Variants in NFASC observed in about 807,000 individuals in gnomAD.
NFASC encodes neurofascin homolog.
In NFASC, 43 loss-of-function variants were observed where a neutral mutation model predicts 147.5. The ratio of observed to expected loss-of-function variants is 0.29; its 90% CI spans 0.23 to 0.38. The LOEUF (loss-of-function observed/expected upper bound fraction) is 0.38, where lower values mean the gene tolerates loss of function less well. Among genes scored for constraint, NFASC ranks in the 10% least tolerant of loss-of-function variants. The pLI is 1.00. For missense variants in NFASC, 1,320 were observed against 1,689.0 expected (o/e 0.78, Z 3.83); for synonymous variants, 622 against 665.5 (o/e 0.93, Z 1.01).
At chr1:204,905,201 C>T (rs2149250449) in intron 1 of NFASC, among the ~76,000 whole-genome samples, 1 of 152,336 alleles carries the variant, frequency 6.6e-6, no homozygotes, top group African/African-American at 2.4e-5. Context: ...CCTCCTGCCT[C>T]AGCCTCCTGA....
At chr1:204,973,499 G>A in intron 12 of NFASC, 80 bp downstream of exon 12, 1 of 1,534,028 alleles carries the variant, frequency 6.5e-7, no homozygotes. Flanking sequence ...ATGTCGTGGG[G>A]CACACTTTCT....
At chr1:204,895,810 C>T (rs925481251) in intron 1 of NFASC, among the ~76,000 whole-genome samples, 1 of 152,082 alleles carries the variant, frequency 6.6e-6, no homozygotes, top group Non-Finnish European at 1.5e-5. Context: ...TACTTAAGAC[C>T]CTACATTTGA....
At chr1:204,973,136 C>A in intron 11 of NFASC, 140 bp from the exon 12 acceptor site, 1 of 838,732 alleles carries the variant, frequency 1.2e-6, no homozygotes, top group Non-Finnish European at 1.9e-6. Flanking sequence ...GTGGCAAGGC[C>A]AGAAGCCCTG....
chr1:204,881,504 T>C (rs568354801), intron 1 of NFASC, among the ~76,000 whole-genome samples: 1 of 152,324 alleles, frequency 6.6e-6, no homozygotes, highest in Admixed American at 6.5e-5. Flanking sequence ...GGAGTCACTA[T>C]CCAGTTGAGC....
intron 27 of NFASC, chr1:205,009,314 T>TCTG (rs5780258): frequency 0.093 from 58,571 of 627,364 alleles, 3,180 homozygotes; most frequent in South Asian, 0.15. Context: ...TGTTCAACCT[T>TCTG]CTGCTTATTT....
rs1341478841 is a variant in NFASC, at chr1:204,986,634, C to G, written c.2471-784C>G. 1 of 158,670 alleles carries G rather than the reference C, an allele frequency of 6.3e-6. No homozygotes were observed. The highest frequency in any genetic ancestry group is 1.4e-5 in the Non-Finnish European group (1 of 71,472). 9.8% of individuals were successfully genotyped at this position (158,670 alleles called of 1,614,324 possible). A position where few individuals can be genotyped will look rare whatever the true frequency, so the allele number is the denominator to read the frequency against. ...TCACATGGCCCTGGGGTCAAAACCC[C>G]TATTTTTTGTTTCACATAAATTCAA... On this transcript the variant is annotated intron_variant, in intron 21 of 29. Transcript: ENST00000339876. The surrounding 1 kb of genome is among the most constrained non-coding windows in gnomAD (Gnocchi z 4.2).
In NFASC at chr1:204,842,083, A is replaced by T. The variant is rs544171243; in HGVS notation, c.-200+13301A>T. On this transcript the variant is annotated intron_variant, in intron 1 of 29. Coordinates refer to ENST00000339876, the MANE Select transcript of NFASC (RefSeq NM_001005388.3). ...CCTTATTAGGTATTTGCTGAGGCTA[A>T]CTGAACCCACACTGAAAAGAGAACA... Among the ~76,000 whole-genome samples the T allele has an allele frequency of 1.2e-4, 18 of 152,348 alleles. No homozygotes were observed. The South Asian group carries it at 2.5e-3, about 21-fold the overall frequency.
intron 8 of NFASC, chr1:204,962,127 G>A (rs775761181): frequency 3.7e-6 from 6 of 1,613,414 alleles, no homozygotes; most frequent in African/African-American, 2.7e-5. Context: ...ATAATGACTC[G>A]TCCTTAAGAA....
chr1:204,922,165 T>C (rs1428929619), intron 2 of NFASC, among the ~76,000 whole-genome samples: 1 of 152,188 alleles, frequency 6.6e-6, no homozygotes, highest in Non-Finnish European at 1.5e-5. Context: ...AATGCAGCTC[T>C]GTGTCACCAA....
chr1:204,954,907 C>T lies in NFASC; in HGVS notation c.491C>T (p.Pro164Leu). 1 of 1,614,146 alleles carries T rather than the reference C, an allele frequency of 6.2e-7. No homozygotes were observed. Among genetic ancestry groups the T allele is most frequent in the Non-Finnish European group, 8.5e-7 (1 of 1,180,018 alleles). ...GCTCCTTTGACGCTCCAGTGCAACC[C>T]CCCGCCTGGACTTCCATCCCCGGTC... The part of the protein sequence containing the change: ...EGAPLTLQCN[P>L]PPGLPSPVIF... The change falls in exon 7 of 30, where the codon CCC (proline) becomes CTC (leucine). Residue 164 changes from proline (P) to leucine (L), a missense_variant. Physicochemically the swap from Pro to Leu is moderately conservative, Grantham distance 98 (BLOSUM62 -3). This residue lies in a region of NFASC where 981 missense variants were observed against 1,289.5 expected (regional missense o/e 0.76). Coordinates refer to ENST00000339876, the MANE Select transcript of NFASC (RefSeq NM_001005388.3). This position sits in a 1 kb window ranked among gnomAD's most constrained non-coding sequence, Gnocchi z 5.7.
intron 1 of NFASC, among the ~76,000 whole-genome samples, chr1:204,844,158 T>C (rs747841512): frequency 2.0e-5 from 3 of 152,236 alleles, no homozygotes; most frequent in Non-Finnish European, 4.4e-5. Context: ...TCCATTTGGC[T>C]CTCTGTTCAC....
rs1218816177 is a variant in NFASC at position 205,020,571 on chromosome 1, G to A, written c.*4032G>A. On this transcript the variant is annotated 3_prime_UTR_variant, in exon 30 of 30. Coordinates refer to ENST00000339876, the MANE Select transcript of NFASC (RefSeq NM_001005388.3). ...ACCTAGAGAGAGCATCTGAGCTGAA[G>A]GAGTGGGAAACTTTGCCCAAGCAAT... is the stretch of plus-strand genomic sequence containing the variant. 1.3e-5 allele frequency: 2 copies of A among 152,300 alleles called. No homozygotes were observed. Among genetic ancestry groups the A allele is most frequent in the Non-Finnish European group, 2.9e-5 (2 of 68,074 alleles). 9.4% of individuals were successfully genotyped at this position (152,300 alleles called of 1,614,324 possible).
At chr1:204,857,123 C>T (rs528108065) in intron 1 of NFASC, among the ~76,000 whole-genome samples, 30 of 152,338 alleles carry the variant, frequency 2.0e-4, no homozygotes, top group East Asian at 7.7e-4. Flanking sequence ...CTAGAGGCTG[C>T]ACCATGTTAT....
chr1:204,876,537 A>C (rs1437945094), intron 1 of NFASC, among the ~76,000 whole-genome samples: 1 of 152,098 alleles, frequency 6.6e-6, no homozygotes, highest in Non-Finnish European at 1.5e-5. Flanking sequence ...AACCATCATC[A>C]CTACACCCAT....
At chr1:204,982,641 C>T (rs1297256286) in intron 21 of NFASC, among the ~76,000 whole-genome samples, 1 of 152,250 alleles carries the variant, frequency 6.6e-6, no homozygotes, top group African/African-American at 2.4e-5. Context: ...AGATTCTGGT[C>T]ATATACATGG....
At chr1:204,867,438 C>T (rs2077203598) in intron 1 of NFASC, among the ~76,000 whole-genome samples, 4 of 146,902 alleles carry the variant, frequency 2.7e-5, no homozygotes, top group East Asian at 2.1e-4. Context: ...CACACACACA[C>T]ACTACACAAT....
At chr1:204,912,165 G>T (rs2087703747) in intron 1 of NFASC, among the ~76,000 whole-genome samples, 1 of 151,114 alleles carries the variant, frequency 6.6e-6, no homozygotes, top group Non-Finnish European at 1.5e-5. Flanking sequence ...CCTTCTGCTT[G>T]CTTTTAGGTT....
intron 3 of NFASC, among the ~76,000 whole-genome samples, chr1:204,949,678 GTCAGAAA>G (rs1257659792): frequency 2.6e-5 from 4 of 152,164 alleles, no homozygotes; most frequent in Non-Finnish European, 5.9e-5. Flanking sequence ...CCCAGCACTT[GTCAGAAA>G]GGCAGAGTCC....
chr1:204,955,971 C>T (rs2094405201), intron 7 of NFASC, among the ~76,000 whole-genome samples: 1 of 152,226 alleles, frequency 6.6e-6, no homozygotes, highest in Non-Finnish European at 1.5e-5. Context: ...TCCCCCATCA[C>T]AGTGCACATT....
Sources: gnomAD v4.1 joint callset for allele counts (sites outside exome capture counted in the v4.1 genomes callset) on GRCh38, gnomAD v4.1.1 for gene constraint, gnomAD v4.1.1 regional missense constraint, Gnocchi (gnomAD v3.1) non-coding constraint, MANE v1.5 for transcripts, NCBI Gene and HGNC (gene_info 2026-07-23, HGNC 2026-07-21) for gene names.